EXOC6: variants seen among roughly 807,000 people sequenced by gnomAD.
EXOC6 encodes SEC15-like 1.
In EXOC6, 60 loss-of-function variants were observed where a neutral mutation model predicts 112.5. The ratio of observed to expected loss-of-function variants is 0.53; its 90% CI spans 0.43 to 0.66. The LOEUF (loss-of-function observed/expected upper bound fraction) is 0.66, where lower values mean the gene tolerates loss of function less well. EXOC6 is among the 30% of genes least tolerant of loss of function. The pLI, the probability that EXOC6 is intolerant of heterozygous loss-of-function variation, is 0.00. For missense variants in EXOC6, 855 were observed against 957.1 expected (o/e 0.89, Z 1.41); for synonymous variants, 295 against 308.0 (o/e 0.96, Z 0.44).
chr10:92,940,294 C>T (rs1400265095), intron 12 of EXOC6, among the ~76,000 whole-genome samples: 1 of 152,098 alleles, frequency 6.6e-6, no homozygotes, highest in Non-Finnish European at 1.5e-5. Context: ...TATAAATTTT[C>T]CCAATGTGAC....
chr10:93,034,638 T>G (rs941364279), intron 20 of EXOC6, among the ~76,000 whole-genome samples: 1 of 152,240 alleles, frequency 6.6e-6, no homozygotes, highest in South Asian at 2.1e-4. Flanking sequence ...GCCAGGACTT[T>G]ACTTTGAAAT....
chr10:92,905,355 T>A (rs1169421479), intron 5 of EXOC6, among the ~76,000 whole-genome samples: 5 of 152,174 alleles, frequency 3.3e-5, no homozygotes, highest in African/African-American at 1.2e-4. Flanking sequence ...AATCTGTAGA[T>A]CAAGTTGGGG....
At chr10:92,887,548 C>T (rs576367491) in intron 1 of EXOC6, among the ~76,000 whole-genome samples, 3 of 151,270 alleles carry the variant, frequency 2.0e-5, no homozygotes, top group Admixed American at 6.6e-5. Context: ...TACAGGCGCC[C>T]GCCACCACAC....
chr10:92,890,838 G>T (rs1439419028), intron 1 of EXOC6, among the ~76,000 whole-genome samples: 1 of 152,230 alleles, frequency 6.6e-6, no homozygotes, highest in Non-Finnish European at 1.5e-5. Flanking sequence ...GCAAAATTAT[G>T]TAGGGTCTTA....
chr10:93,038,698 A>T (rs1355734674), intron 20 of EXOC6, among the ~76,000 whole-genome samples: 2 of 152,186 alleles, frequency 1.3e-5, no homozygotes, highest in African/African-American at 4.8e-5. Flanking sequence ...TTTGTCCCAG[A>T]AGAGACACAG....
At chr10:92,957,753 T>C (rs1397361719) in intron 17 of EXOC6, among the ~76,000 whole-genome samples, 2 of 152,186 alleles carry the variant, frequency 1.3e-5, no homozygotes, top group African/African-American at 2.4e-5. Flanking sequence ...CTAAATGTGA[T>C]AAGGGGAAGC....
chr10:92,876,420 T>G (rs999538651), intron 1 of EXOC6, among the ~76,000 whole-genome samples: 1 of 152,168 alleles, frequency 6.6e-6, no homozygotes, highest in African/African-American at 2.4e-5. Flanking sequence ...ATAGATAGAT[T>G]AGGTCATTTG....
intron 19 of EXOC6, among the ~76,000 whole-genome samples, chr10:93,002,619 C>G (rs754510748): frequency 1.3e-5 from 2 of 152,100 alleles, no homozygotes; most frequent in Admixed American, 6.6e-5. Flanking sequence ...CTATTTAGGT[C>G]AATTATTCAG....
chr10:93,059,106 T>G lies in EXOC6; in HGVS notation c.*751T>G, dbSNP rs41290184. 1 of 152,300 alleles carries G rather than the reference T, an allele frequency of 6.6e-6. No individual in the cohort carries two copies. The highest frequency in any genetic ancestry group is 1.5e-5 in the Non-Finnish European group (1 of 68,022). The allele number at this position is 152,300 out of a possible 1,614,324, so 9.4% of individuals were successfully genotyped here. A position where few individuals can be genotyped will look rare whatever the true frequency, so the allele number is the denominator to read the frequency against. ...GTTAAAAGAGAGGACAGGAACTAAA[T>G]GGGGCTAACCACTTCAGGTGCAGCT... is the stretch of plus-strand genomic sequence containing the variant. On this transcript the variant is annotated 3_prime_UTR_variant, in exon 22 of 22. Coordinates refer to ENST00000260762, the MANE Select transcript of EXOC6 (RefSeq NM_019053.6).
At chr10:92,943,257 A>G (rs554424334) in intron 13 of EXOC6, among the ~76,000 whole-genome samples, 38 of 152,152 alleles carry the variant, frequency 2.5e-4, no homozygotes, top group African/African-American at 7.5e-4. Context: ...TGACCTTGTG[A>G]TGTACCCGCC....
intron 20 of EXOC6, among the ~76,000 whole-genome samples, chr10:93,036,235 A>G (rs1256968604): frequency 1.3e-5 from 2 of 152,162 alleles, no homozygotes; most frequent in South Asian, 2.1e-4. Flanking sequence ...AAAAAAGAAA[A>G]AAAAGAGAAA....
At chr10:92,966,674 A>C (rs1383004907) in intron 17 of EXOC6, among the ~76,000 whole-genome samples, 6 of 147,612 alleles carry the variant, frequency 4.1e-5, no homozygotes, top group Admixed American at 1.4e-4. Flanking sequence ...ACATTTTCTT[A>C]ATCCAGTCTA....
intron 20 of EXOC6, among the ~76,000 whole-genome samples, chr10:93,017,623 T>C (rs1844593054): frequency 1.3e-5 from 2 of 151,944 alleles, no homozygotes; most frequent in South Asian, 4.2e-4. Context: ...GTACAATGTA[T>C]ACTACTTGGA....
chr10:93,020,757 A>G (rs1325416168), intron 20 of EXOC6, among the ~76,000 whole-genome samples: 5 of 152,132 alleles, frequency 3.3e-5, no homozygotes, highest in Non-Finnish European at 7.3e-5. Flanking sequence ...GAAGTTTTAG[A>G]CAGGGAAATG....
At chr10:93,054,525 A>C (rs1221348177) in intron 20 of EXOC6, among the ~76,000 whole-genome samples, 1 of 152,254 alleles carries the variant, frequency 6.6e-6, no homozygotes, top group Admixed American at 6.5e-5. Flanking sequence ...TGGTTCCTGT[A>C]ATTTCTGCGG....
At chr10:92,908,904 G>GTT (rs778058247) in intron 5 of EXOC6, among the ~76,000 whole-genome samples, 2 of 151,772 alleles carry the variant, frequency 1.3e-5, no homozygotes, top group African/African-American at 4.9e-5. Flanking sequence ...ATTTTTACCT[G>GTT]TTTTTTGTGT....
chr10:92,974,878 C>G (rs1388526902), intron 18 of EXOC6, among the ~76,000 whole-genome samples: 1 of 152,208 alleles, frequency 6.6e-6, no homozygotes, highest in African/African-American at 2.4e-5. Flanking sequence ...CTCAATGGTG[C>G]CCAGGCTGGA....
intron 5 of EXOC6, chr10:92,899,845 A>G: frequency 2.2e-6 from 1 of 458,412 alleles, no homozygotes; most frequent in South Asian, 3.7e-5. Context: ...TCCTTTATAA[A>G]TGATATCAAG....
chr10:93,042,397 G>A (rs1845822971), intron 20 of EXOC6, among the ~76,000 whole-genome samples: 1 of 152,198 alleles, frequency 6.6e-6, no homozygotes, highest in Non-Finnish European at 1.5e-5. Flanking sequence ...TTATGTTTGT[G>A]TGAATATCTT....
Sources: gnomAD v4.1 joint callset for allele counts (sites outside exome capture counted in the v4.1 genomes callset) on GRCh38, gnomAD v4.1.1 for gene constraint, MANE v1.5 for transcripts, NCBI Gene and HGNC (gene_info 2026-07-23, HGNC 2026-07-21) for gene names.